The following POLA1 variants were observed in gnomAD, a reference collection of about 807,000 sequenced individuals.
POLA1 encodes DNA polymerase alpha 1, catalytic subunit.
POLA1 carries 15 observed loss-of-function variants against 124.0 expected under a neutral mutation model. The ratio of observed to expected loss-of-function variants is 0.12; its 90% CI spans 0.08 to 0.19. POLA1 has a LOEUF of 0.19. Among genes scored for constraint, POLA1 ranks in the 10% least tolerant of loss-of-function variants. POLA1 has a pLI of 1.00. For missense variants in POLA1, 886 were observed against 1,103.4 expected, an observed-to-expected ratio of 0.80 and a Z score of 2.79; for synonymous variants, 408 against 389.4, an observed-to-expected ratio of 1.05 and a Z score of -0.56.
At chrX:24,888,152 G>T in intron 35 of POLA1, 30 bp downstream of exon 35, 1 of 915,916 alleles carries the variant, frequency 1.1e-6, no homozygotes, top group Non-Finnish European at 1.6e-6. Context: ...AAAGAACCAT[G>T]TAGAAGAGGG....
intron 10 of POLA1, among the ~76,000 whole-genome samples, chrX:24,722,117 G>C (rs1025470016): frequency 2.7e-5 from 3 of 111,883 alleles, no homozygotes; most frequent in Middle Eastern, 4.6e-3. Context: ...CTGATGAGTA[G>C]TCTTTCAAAC....
chrX:24,904,432 T>G (rs1244808888), intron 35 of POLA1, among the ~76,000 whole-genome samples: 5 of 109,015 alleles, frequency 4.6e-5, no homozygotes, highest in Non-Finnish European at 9.5e-5. Flanking sequence ...TTTGTTTTTT[T>G]TTTTTTTCTT....
intron 36 of POLA1, among the ~76,000 whole-genome samples, chrX:24,960,874 G>A (rs920133654): frequency 2.9e-4 from 32 of 112,226 alleles, no homozygotes; most frequent in African/African-American, 1.0e-3. Flanking sequence ...GAATAGCCAT[G>A]AACAAGGCAG....
At chrX:24,896,443 G>GTTTTGGT (rs968239486) in intron 35 of POLA1, among the ~76,000 whole-genome samples, 1 of 111,123 alleles carries the variant, frequency 9.0e-6, no homozygotes, top group Non-Finnish European at 1.9e-5. Context: ...TTTCTTTTTT[G>GTTTTGGT]TTTTGGTTTT....
chrX:24,846,960 C>T (rs2046485299), intron 34 of POLA1, among the ~76,000 whole-genome samples: 1 of 112,306 alleles, frequency 8.9e-6, no homozygotes, highest in South Asian at 3.7e-4. Flanking sequence ...TGTGCTTTTA[C>T]AATAAATGTG....
intron 34 of POLA1, among the ~76,000 whole-genome samples, chrX:24,864,932 G>A (rs1208620041): frequency 1.8e-5 from 2 of 111,674 alleles, no homozygotes; most frequent in Non-Finnish European, 3.8e-5. Context: ...TATTTTTTAC[G>A]TATGTACGTT....
intron 35 of POLA1, among the ~76,000 whole-genome samples, chrX:24,900,754 T>C (rs972223573): frequency 9.0e-6 from 1 of 111,725 alleles, no homozygotes; most frequent in African/African-American, 3.3e-5. Flanking sequence ...TTATTGGCAG[T>C]CCTGAAGGCT....
rs184607388 is a variant in POLA1 at position 24,783,513 on chromosome X, T to A, written c.2965-26385T>A. On this transcript the variant is annotated intron_variant, in intron 26 of 36. Coordinates refer to ENST00000379068, the MANE Select transcript of POLA1 (RefSeq NM_001330360.2). ...TACTATAAATTTTTGGCCTGAGAAATAGGAAAATCTATTTTCCCCATTCAG... is the reference window on the plus strand; with the variant it reads ...TACTATAAATTTTTGGCCTGAGAAAAAGGAAAATCTATTTTCCCCATTCAG... Among the ~76,000 whole-genome samples the A allele has an allele frequency of 2.2e-4, 25 of 112,237 alleles. 1 individual carries two copies. The highest frequency in any genetic ancestry group is 8.1e-4 in the African/African-American group (25 of 30,918).
intron 15 of POLA1, among the ~76,000 whole-genome samples, chrX:24,729,724 T>C (rs755131675): frequency 8.9e-6 from 1 of 111,777 alleles, no homozygotes; most frequent in South Asian, 3.7e-4. Flanking sequence ...CTTTTGACAT[T>C]GATAGGGATC....
chrX:24,933,638 C>T (rs2047811731), intron 36 of POLA1, among the ~76,000 whole-genome samples: 2 of 112,148 alleles, frequency 1.8e-5, no homozygotes, highest in South Asian at 7.4e-4. Flanking sequence ...ATTGTTTTAC[C>T]ATTTCCATCA....
intron 35 of POLA1, among the ~76,000 whole-genome samples, chrX:24,921,997 T>C (rs752024543): frequency 9.1e-6 from 1 of 109,775 alleles, no homozygotes; most frequent in Admixed American, 9.7e-5. Flanking sequence ...TTTTGGCCAA[T>C]AAGAAGACAA....
Position 24,716,943 on chromosome X carries a change from T to C in POLA1, c.678T>C (p.Pro226=), listed in dbSNP as rs367625269. The part of the protein sequence containing the change: ...PVSRKEPPLT[P]VPLKRAEFAG... ...CCAGAAAGGAGCCTCCATTAACTCC[T>C]GTTCCTCTTAAACGTGCTGAATTTG... The change falls in exon 8 of 37, where the codon CCT becomes CCC. Residue 226 remains proline, a synonymous_variant. Transcript: ENST00000379068. The C allele has an allele frequency of 1.9e-5, 23 of 1,191,607 alleles. No homozygotes were observed. In the African/African-American group the frequency reaches 4.1e-4, roughly 21 times the overall value.
At chrX:24,899,375 T>C (rs1369102324) in intron 35 of POLA1, among the ~76,000 whole-genome samples, 1 of 111,740 alleles carries the variant, frequency 8.9e-6, no homozygotes, top group Non-Finnish European at 1.9e-5. Context: ...CCCAAAAAAA[T>C]TGCATTACTG....
chrX:24,867,601 T>C (rs2046811686), intron 34 of POLA1, among the ~76,000 whole-genome samples: 1 of 112,037 alleles, frequency 8.9e-6, no homozygotes, highest in Non-Finnish European at 1.9e-5. Context: ...TACATGCTCT[T>C]TTTTAAAGCA....
chrX:24,891,618 C>T (rs1382282238), intron 35 of POLA1, among the ~76,000 whole-genome samples: 1 of 111,754 alleles, frequency 8.9e-6, no homozygotes, highest in Non-Finnish European at 1.9e-5. Flanking sequence ...CAGGATTATA[C>T]TCATCTGGTT....
intron 32 of POLA1, among the ~76,000 whole-genome samples, chrX:24,840,668 T>A (rs1355931178): frequency 1.8e-5 from 2 of 112,500 alleles, no homozygotes; most frequent in Admixed American, 9.4e-5. Context: ...GCTTAGTGAC[T>A]GTTTTATATT....
intron 34 of POLA1, among the ~76,000 whole-genome samples, chrX:24,870,786 C>T (rs1052809181): frequency 7.2e-5 from 8 of 111,758 alleles, no homozygotes; most frequent in Non-Finnish European, 1.3e-4. Context: ...TTAGGCTTGC[C>T]ACAGATGAGT....
Position 24,843,551 on chromosome X carries a change from A to G in POLA1, c.3921A>G (p.Thr1307=). 1 of 1,189,818 alleles carries G rather than the reference A, an allele frequency of 8.4e-7. No individual in the cohort carries two copies. The highest frequency in any genetic ancestry group is 1.1e-6 in the Non-Finnish European group (1 of 883,320). The stretch of plus-strand genomic sequence containing the variant: ...ACTTCTCCTGACTTATGTAGGGAAC[A>G]GATATGGAGCCCAGCTTGTATCGTT... ...IYDNVFDGSG[T]DMEPSLYRCS... The change falls in exon 34 of 37, where the codon ACA becomes ACG. Residue 1307 remains threonine, a synonymous_variant. Transcript: ENST00000379068.
chrX:24,774,146 C>G (rs1292650134), intron 26 of POLA1, among the ~76,000 whole-genome samples: 1 of 111,583 alleles, frequency 9.0e-6, no homozygotes, highest in Non-Finnish European at 1.9e-5. Flanking sequence ...ACATATCATG[C>G]AATAAGGCCC....
Sources: gnomAD v4.1 joint callset for allele counts (sites outside exome capture counted in the v4.1 genomes callset) on GRCh38, gnomAD v4.1.1 for gene constraint, MANE v1.5 for transcripts, NCBI Gene and HGNC (gene_info 2026-07-23, HGNC 2026-07-21) for gene names.